FHOD3: variants seen among roughly 807,000 people sequenced by gnomAD.
FHOD3 encodes formin homology 2 domain containing 3.
FHOD3 carries 90 observed loss-of-function variants against 173.0 expected under a neutral mutation model. That is an observed-to-expected ratio of 0.52 (90% CI 0.44 to 0.62). FHOD3 has a LOEUF of 0.62. FHOD3 is among the 20% of genes least tolerant of loss of function. FHOD3 has a pLI of 0.00. For missense variants in FHOD3, 1,945 were observed against 2,034.7 expected, an observed-to-expected ratio of 0.96 and a Z score of 0.85; for synonymous variants, 828 against 823.0, an observed-to-expected ratio of 1.01 and a Z score of -0.10.
At chr18:36,508,966 A>G (rs1015684004) in intron 4 of FHOD3, among the ~76,000 whole-genome samples, 1 of 152,202 alleles carries the variant, frequency 6.6e-6, no homozygotes, top group Non-Finnish European at 1.5e-5. Context: ...ACAAACTACC[A>G]TCAATGATGC....
At chr18:36,366,771 G>A (rs1001306410) in intron 2 of FHOD3, among the ~76,000 whole-genome samples, 2 of 152,224 alleles carry the variant, frequency 1.3e-5, no homozygotes, top group Non-Finnish European at 2.9e-5. Context: ...TGGAGTGCCA[G>A]TTGAGCCCCA....
At chr18:36,545,118 T>C (rs144092044) in intron 5 of FHOD3, among the ~76,000 whole-genome samples, 1 of 152,236 alleles carries the variant, frequency 6.6e-6, no homozygotes, top group Non-Finnish European at 1.5e-5. Flanking sequence ...CTCTCCTTCT[T>C]TATCTCTCCC....
At chr18:36,397,972 G>A (rs1388034667) in intron 3 of FHOD3, among the ~76,000 whole-genome samples, 1 of 152,206 alleles carries the variant, frequency 6.6e-6, no homozygotes, top group Non-Finnish European at 1.5e-5. Flanking sequence ...ATTTAGTCAT[G>A]TGGATACAGG....
chr18:36,323,975 AG>A (rs1568122400), intron 1 of FHOD3, among the ~76,000 whole-genome samples: 2 of 152,262 alleles, frequency 1.3e-5, no homozygotes, highest in African/African-American at 4.8e-5. Flanking sequence ...ATTTGAAGTG[AG>A]CCCAGCATTC....
intron 2 of FHOD3, among the ~76,000 whole-genome samples, chr18:36,367,907 C>G (rs182386668): frequency 1.1e-4 from 16 of 152,040 alleles, no homozygotes; most frequent in East Asian, 5.8e-4. Flanking sequence ...AGTCACCCCC[C>G]CATCCCTCCC....
At chr18:36,458,595 A>G (rs1409371021) in intron 3 of FHOD3, among the ~76,000 whole-genome samples, 1 of 151,094 alleles carries the variant, frequency 6.6e-6, no homozygotes, top group African/African-American at 2.4e-5. Flanking sequence ...TTCTGCTACA[A>G]TGAGGGGATG....
At chr18:36,505,958 T>A (rs984508818) in intron 4 of FHOD3, among the ~76,000 whole-genome samples, 11 of 152,222 alleles carry the variant, frequency 7.2e-5, no homozygotes, top group Non-Finnish European at 1.6e-4. Context: ...TACCATTCCA[T>A]TATTATGCTA....
intron 2 of FHOD3, among the ~76,000 whole-genome samples, chr18:36,361,501 C>T (rs1175152752): frequency 6.6e-6 from 1 of 151,892 alleles, no homozygotes; most frequent in Non-Finnish European, 1.5e-5. Context: ...GCCTGGCCAA[C>T]ATGGGAAACG....
intron 10 of FHOD3, among the ~76,000 whole-genome samples, chr18:36,626,901 C>T (rs925535674): frequency 3.3e-5 from 5 of 152,218 alleles, no homozygotes; most frequent in Non-Finnish European, 7.3e-5. Flanking sequence ...GGACCCAGGC[C>T]ATGCCTTCAG....
intron 5 of FHOD3, among the ~76,000 whole-genome samples, chr18:36,551,297 T>C (rs1468740377): frequency 1.3e-5 from 2 of 152,168 alleles, no homozygotes; most frequent in African/African-American, 4.8e-5. Context: ...TATTTTTTAT[T>C]GCATCTATGT....
chr18:36,617,884 G>A (rs2033358436), intron 9 of FHOD3, among the ~76,000 whole-genome samples: 1 of 151,988 alleles, frequency 6.6e-6, no homozygotes, highest in African/African-American at 2.4e-5. Context: ...TATTGTTACA[G>A]GATCAATTTT....
At chr18:36,392,320 T>G (rs779761740) in intron 3 of FHOD3, among the ~76,000 whole-genome samples, 52 of 152,064 alleles carry the variant, frequency 3.4e-4, no homozygotes, top group Admixed American at 7.9e-4. Flanking sequence ...TCTTAATATA[T>G]CTATATGAAT....
intron 25 of FHOD3, among the ~76,000 whole-genome samples, chr18:36,756,148 A>C (rs2042625622): frequency 6.6e-6 from 1 of 152,220 alleles, no homozygotes; most frequent in African/African-American, 2.4e-5. Context: ...CCAGGCTAGC[A>C]TCTCACTTAC....
intron 3 of FHOD3, among the ~76,000 whole-genome samples, chr18:36,455,123 T>A (rs1010312244): frequency 2.0e-5 from 3 of 152,208 alleles, no homozygotes; most frequent in Non-Finnish European, 4.4e-5. Context: ...TTTCTGAAAT[T>A]GGAGTGCATG....
At chr18:36,395,334 A>C (rs2048507011) in intron 3 of FHOD3, among the ~76,000 whole-genome samples, 1 of 147,068 alleles carries the variant, frequency 6.8e-6, no homozygotes, top group African/African-American at 2.5e-5. Flanking sequence ...AAAAAAATCT[A>C]TATCTGCATT....
chr18:36,603,986 A>G (rs747479147), intron 8 of FHOD3, among the ~76,000 whole-genome samples: 17 of 152,122 alleles, frequency 1.1e-4, no homozygotes, highest in Non-Finnish European at 1.6e-4. Context: ...CGTGATGGTG[A>G]CCACACCTCT....
chr18:36,397,166 G>A (rs2048592807), intron 3 of FHOD3, among the ~76,000 whole-genome samples: 1 of 152,098 alleles, frequency 6.6e-6, no homozygotes, highest in African/African-American at 2.4e-5. Flanking sequence ...CATTAGATTG[G>A]TCAATACCCC....
intron 14 of FHOD3, among the ~76,000 whole-genome samples, chr18:36,673,043 TA>T (rs2037633360): frequency 6.6e-6 from 1 of 152,194 alleles, no homozygotes. Context: ...GGTAATTAGA[TA>T]AACAAAGTGC....
intron 3 of FHOD3, among the ~76,000 whole-genome samples, chr18:36,474,736 G>A (rs1207998906): frequency 2.0e-5 from 3 of 152,128 alleles, no homozygotes; most frequent in Non-Finnish European, 2.9e-5. Context: ...TCACCTTTGC[G>A]TTAGACTGAT....
Sources: gnomAD v4.1 joint callset for allele counts (sites outside exome capture counted in the v4.1 genomes callset) on GRCh38, gnomAD v4.1.1 for gene constraint, MANE v1.5 for transcripts, NCBI Gene and HGNC (gene_info 2026-07-23, HGNC 2026-07-21) for gene names.